LONRF2: variants seen among roughly 807,000 people sequenced by gnomAD.
LONRF2 encodes the protein LON peptidase N-terminal domain and ring finger 2, also known as LON peptidase N-terminal domain and RING finger protein 2.
A neutral mutation model predicts 66.6 loss-of-function variants in LONRF2; 35 were observed. The observed-to-expected ratio is 0.53, with a 90% CI of 0.40 to 0.70. The LOEUF is 0.70. Ranked by LOEUF, LONRF2 falls within the 30% of genes least tolerant of loss-of-function variation. LONRF2 has a pLI of 0.00. For missense variants in LONRF2, 902 were observed against 1,002.1 expected (o/e 0.90, Z 1.35); for synonymous variants, 417 against 418.1 (o/e 1.00, Z 0.03).
intron 1 of LONRF2, among the ~76,000 whole-genome samples, chr2:100,319,344 G>A (rs1675576743): frequency 6.6e-6 from 1 of 151,968 alleles, no homozygotes. Context: ...TTTTAAAAAC[G>A]TTTAAATTAG....
rs539094398 is a variant in LONRF2, at chr2:100,300,630, C to T, written c.1065+14G>A. 8.3e-5 allele frequency: 132 copies of T among 1,589,644 alleles called. 1 individual carries two copies. The South Asian group carries it at 1.5e-3, about 18-fold the overall frequency. On this transcript the variant is annotated intron_variant, in intron 4 of 11. Coordinates refer to ENST00000393437, the MANE Select transcript of LONRF2 (RefSeq NM_198461.4). ...TTAATCAAGAGAATCCTGACAAATG[C>T]ATGCACGTCATACCTCCGAGCTCCC... is the stretch of plus-strand genomic sequence containing the variant.
intron 2 of LONRF2, among the ~76,000 whole-genome samples, chr2:100,306,862 C>T (rs10194087): frequency 0.06 from 9,129 of 151,310 alleles, 897 homozygotes; most frequent in African/African-American, 0.21. Flanking sequence ...TAATAACAAA[C>T]TTAGAATATA....
In LONRF2 at chr2:100,273,725, C is replaced by T. The variant is rs767569767; in HGVS notation, c.*10573G>A. ...AAAGCATGATTATTAAGTTTATCTACACCAGCTTATTTATTCAAATTTGCT... is the reference window on the plus strand; with the variant it reads ...AAAGCATGATTATTAAGTTTATCTATACCAGCTTATTTATTCAAATTTGCT... On this transcript the variant is annotated 3_prime_UTR_variant, in exon 12 of 12. Transcript: ENST00000393437. 1 of 152,216 alleles carries T rather than the reference C, an allele frequency of 6.6e-6. No homozygotes were observed. Among genetic ancestry groups the T allele is most frequent in the Non-Finnish European group, 1.5e-5 (1 of 68,038 alleles). 9.4% of individuals were successfully genotyped at this position (152,216 alleles called of 1,614,324 possible).
At chr2:100,297,540 G>C (rs903457983) in intron 7 of LONRF2, among the ~76,000 whole-genome samples, 1 of 152,200 alleles carries the variant, frequency 6.6e-6, no homozygotes, top group African/African-American at 2.4e-5. Flanking sequence ...GTTGTAAACA[G>C]GGCTCACACA....
chr2:100,321,483 G>C lies in LONRF2; in HGVS notation c.611C>G (p.Ala204Gly), dbSNP rs1429023682. 6.6e-7 allele frequency: 1 copy of C among 1,521,074 alleles called. No homozygotes were observed. Among genetic ancestry groups the C allele is most frequent in the South Asian group, 1.2e-5 (1 of 82,170 alleles). 94.2% of individuals were successfully genotyped at this position (1,521,074 alleles called of 1,614,324 possible). A position where few individuals can be genotyped will look rare whatever the true frequency, so the allele number is the denominator to read the frequency against. Residue 204 changes from alanine (A) to glycine (G), a missense_variant, in exon 1 of 12, where the codon GCG becomes GGG. This residue lies in a region of LONRF2 where 585 missense variants were observed against 569.9 expected (regional missense o/e 1.03). Coordinates refer to ENST00000393437, the MANE Select transcript of LONRF2 (RefSeq NM_198461.4). ...CTGCTGCTGGCGCTGCAGGCTCCGCGCCTGGCCTGCCAGCCTGCGCAGCCG... is the reference window on the plus strand; with the variant it reads ...CTGCTGCTGGCGCTGCAGGCTCCGCCCCTGGCCTGCCAGCCTGCGCAGCCG... ...ECRLRRLAGQARSLQRQQQPE... is the reference protein window; with the variant it reads ...ECRLRRLAGQGRSLQRQQQPE...
chr2:100,283,065 C>T lies in LONRF2; in HGVS notation c.*1233G>A, dbSNP rs942268440. The T allele has an allele frequency of 6.6e-6, 1 of 152,142 alleles. No homozygotes were observed. The highest frequency in any genetic ancestry group is 1.5e-5 in the Non-Finnish European group (1 of 68,026). The allele number at this position is 152,142 out of a possible 1,614,324, so 9.4% of individuals were successfully genotyped here. On this transcript the variant is annotated 3_prime_UTR_variant, in exon 12 of 12. Transcript: ENST00000393437. ...CCACCTTACAGACGAGGAAGCCAAC[C>T]AAATGCACCAGCTGGTTGGGCCAGA...
At chr2:100,285,970 A>G (rs1446426421) in intron 11 of LONRF2, among the ~76,000 whole-genome samples, 1 of 152,102 alleles carries the variant, frequency 6.6e-6, no homozygotes, top group Non-Finnish European at 1.5e-5. Flanking sequence ...AAAAAGAATG[A>G]CTCATATCCT....
chr2:100,292,870 T>C (rs986037677), intron 9 of LONRF2, among the ~76,000 whole-genome samples: 4 of 152,156 alleles, frequency 2.6e-5, no homozygotes, highest in African/African-American at 7.2e-5. Flanking sequence ...TAAAGCTTTT[T>C]CCCCCCCTCT....
chr2:100,298,736 CT>C (rs977518304), intron 7 of LONRF2, 99 bp downstream of exon 7: 3 of 792,714 alleles, frequency 3.8e-6, no homozygotes, highest in Non-Finnish European at 6.4e-6. Context: ...ATCTCAGTTT[CT>C]TTAACAACTG....
Position 100,282,113 on chromosome 2 carries a change from C to T in LONRF2, c.*2185G>A, listed in dbSNP as rs548218185. ...ATAAAAACCTATCAAAAAATAAAAA[C>T]GTATGTTGCTCTCGTCTGCGTCATC... On this transcript the variant is annotated 3_prime_UTR_variant, in exon 12 of 12. Coordinates refer to ENST00000393437, the MANE Select transcript of LONRF2 (RefSeq NM_198461.4). 1 of 152,146 alleles carries T rather than the reference C, an allele frequency of 6.6e-6. No homozygotes were observed. Among genetic ancestry groups the T allele is most frequent in the African/African-American group, 2.4e-5 (1 of 41,422 alleles). The allele number at this position is 152,146 out of a possible 1,614,324, so 9.4% of individuals were successfully genotyped here.
At position 100,290,228 on chromosome 2, in the gene LONRF2, T is replaced by C. The variant is rs1476578334; in HGVS notation, c.1920+30A>G. 3 of 1,589,600 alleles carry C rather than the reference T, an allele frequency of 1.9e-6. No homozygotes were observed. In the African/African-American group the frequency reaches 4.1e-5, roughly 22 times the overall value. On this transcript the variant is annotated intron_variant, in intron 10 of 11. Transcript: ENST00000393437. ...AAAGGGAAGCGAGAGGACCGACTGC[T>C]ATAAAATACACCAGTATGATAAGCC...
chr2:100,314,040 G>A (rs995110), intron 1 of LONRF2, among the ~76,000 whole-genome samples: 11,720 of 151,652 alleles, frequency 0.077, 1,478 homozygotes, highest in African/African-American at 0.27. Context: ...AATGTTTCTG[G>A]CATATATAAA....
Position 100,281,677 on chromosome 2 carries a change from T to C in LONRF2, c.*2621A>G, listed in dbSNP as rs1232045675. ...CACGCTGCTATTACTCTTTTCTGCT[T>C]TGATTCCAATGTAACGAGAGCATGC... On this transcript the variant is annotated 3_prime_UTR_variant, in exon 12 of 12. Coordinates refer to ENST00000393437, the MANE Select transcript of LONRF2 (RefSeq NM_198461.4). 1.3e-5 allele frequency: 2 copies of C among 152,190 alleles called. No individual in the cohort carries two copies. The highest frequency in any genetic ancestry group is 2.9e-5 in the Non-Finnish European group (2 of 68,024). 9.4% of individuals were successfully genotyped at this position (152,190 alleles called of 1,614,324 possible).
At position 100,299,878 on chromosome 2, in the gene LONRF2, G is replaced by A. The variant is rs1675144326; in HGVS notation, c.1106C>T (p.Ser369Phe). ...ACCCAGTATAAAATACAAAACTGAA[G>A]AATTGGTATTTCCAAGCATATCAGA... Reference protein sequence around the residue: ...EKSDMLGNTNSSVLYFILGLH... With the variant: ...EKSDMLGNTNFSVLYFILGLH... The change falls in exon 5 of 12, where the codon TCT becomes TTT. Residue 369 changes from serine to phenylalanine, a missense_variant. Coordinates refer to ENST00000393437, the MANE Select transcript of LONRF2 (RefSeq NM_198461.4). The A allele has an allele frequency of 1.2e-6, 2 of 1,611,892 alleles. No individual in the cohort carries two copies. The highest frequency in any genetic ancestry group is 1.1e-5 in the South Asian group (1 of 90,974).
rs1367101103 is a variant in LONRF2 at position 100,280,611 on chromosome 2, T to TA, written c.*3686dup. ...CAACATGGTGAAACCCCATCTCTAC[T>TA]AAAAAAAAAAAATACAAAAATTAGC... On this transcript the variant is annotated 3_prime_UTR_variant, in exon 12 of 12. Coordinates refer to ENST00000393437, the MANE Select transcript of LONRF2 (RefSeq NM_198461.4). 3,582 of 144,026 alleles carry TA rather than the reference T, an allele frequency of 0.025. 136 individuals carry two copies. Among genetic ancestry groups the TA allele is most frequent in the African/African-American group, 0.086 (3,377 of 39,440 alleles). The allele number at this position is 144,026 out of a possible 1,614,324, so 8.9% of individuals were successfully genotyped here. A position where few individuals can be genotyped will look rare whatever the true frequency, so the allele number is the denominator to read the frequency against.
chr2:100,311,282 A>G (rs951810931), intron 1 of LONRF2, among the ~76,000 whole-genome samples: 10 of 152,118 alleles, frequency 6.6e-5, no homozygotes, highest in African/African-American at 2.4e-4. Context: ...CCAAAAATCC[A>G]AAGGAGATTT....
At chr2:100,294,419 G>A (rs778527546) in intron 8 of LONRF2, 32 bp from the exon 9 acceptor site, 39 of 1,520,804 alleles carry the variant, frequency 2.6e-5, no homozygotes, top group Middle Eastern at 4.6e-4. Flanking sequence ...TATCTCAGAT[G>A]TATGAGCTGT....
rs183586047 is a variant in LONRF2 at position 100,311,490 on chromosome 2, G to A, written c.680-2265C>T. Among the ~76,000 whole-genome samples, 16 of 152,160 alleles carry A rather than the reference G, an allele frequency of 1.1e-4. No homozygotes were observed. The East Asian group carries it at 3.1e-3, about 29-fold the overall frequency. On this transcript the variant is annotated intron_variant, in intron 1 of 11. Coordinates refer to ENST00000393437, the MANE Select transcript of LONRF2 (RefSeq NM_198461.4). ...TCCACTTGGCTACAGTTTCTTATTA[G>A]TCCAATCTGCCAATGGATTCTCTTG...
intron 1 of LONRF2, 51 bp downstream of exon 1, chr2:100,321,364 G>T: frequency 7.4e-7 from 1 of 1,353,324 alleles, no homozygotes; most frequent in Non-Finnish European, 9.5e-7. Flanking sequence ...CCACCCCGCT[G>T]CTGGGCCGGA....
Sources: allele counts gnomAD v4.1 joint callset (sites outside exome capture counted in the v4.1 genomes callset), GRCh38; gene constraint gnomAD v4.1.1; regional missense constraint gnomAD v4.1.1; transcripts MANE v1.5; gene names NCBI Gene and HGNC (gene_info 2026-07-23, HGNC 2026-07-21).